The following ESRRG variants were observed in gnomAD, a reference collection of about 807,000 sequenced individuals.
The protein encoded by ESRRG is estrogen related receptor gamma, also known as estrogen-related receptor gamma.
A neutral mutation model predicts 44.0 loss-of-function variants in ESRRG; 13 were observed. The observed-to-expected ratio is 0.30, with a 90% CI of 0.19 to 0.47. The LOEUF (loss-of-function observed/expected upper bound fraction) is 0.47, where lower values mean the gene tolerates loss of function less well. Ranked by LOEUF, ESRRG falls within the 20% of genes least tolerant of loss-of-function variation. The pLI is 1.00. For synonymous variants in ESRRG, 215 were observed against 214.6 expected (o/e 1.00, Z -0.02); for missense variants, 395 against 580.6 (o/e 0.68, Z 3.29).
chr1:216,987,245 A>G (rs1056180052), intron 1 of ESRRG, among the ~76,000 whole-genome samples: 2 of 152,224 alleles, frequency 1.3e-5, no homozygotes, highest in Non-Finnish European at 2.9e-5. Context: ...TTAGTTTGAT[A>G]TCCTTTCTCT....
intron 2 of ESRRG, among the ~76,000 whole-genome samples, chr1:216,856,326 A>G (rs1464684727): frequency 1.3e-5 from 2 of 149,308 alleles, no homozygotes; most frequent in Non-Finnish European, 3.0e-5. Flanking sequence ...TGCTTAATCA[A>G]TATGTCTGTC....
intron 1 of ESRRG, among the ~76,000 whole-genome samples, chr1:216,722,463 A>G (rs2086558328): frequency 6.9e-6 from 1 of 144,200 alleles, no homozygotes; most frequent in African/African-American, 2.6e-5. Context: ...AAAGATATCC[A>G]TAAATACTAA....
chr1:217,027,269 A>T (rs556141514), intron 1 of ESRRG, among the ~76,000 whole-genome samples: 1 of 152,180 alleles, frequency 6.6e-6, no homozygotes, highest in Admixed American at 6.5e-5. Context: ...CTGAACCCAC[A>T]TTATAAATAG....
chr1:217,036,861 C>T (rs1404716593), intron 1 of ESRRG, among the ~76,000 whole-genome samples: 2 of 151,188 alleles, frequency 1.3e-5, no homozygotes, highest in African/African-American at 2.4e-5. Flanking sequence ...AGAGTATAGG[C>T]GATGGAAACC....
chr1:216,916,834 C>CTTTTTTTTTTTTT lies in ESRRG; in HGVS notation c.-14+22735_-14+22747dup, dbSNP rs749847047. Among the ~76,000 whole-genome samples the CTTTTTTTTTTTTT allele has an allele frequency of 2.7e-4, 17 of 62,480 alleles. 4 individuals are homozygous for CTTTTTTTTTTTTT. Among genetic ancestry groups the CTTTTTTTTTTTTT allele is most frequent in the Non-Finnish European group, 4.2e-4 (15 of 35,818 alleles). The allele number at this position is 62,480 out of a possible 152,430, so 41.0% of individuals were successfully genotyped here. On this transcript the variant is annotated intron_variant, in intron 2 of 7. Coordinates refer to the ESRRG transcript ENST00000359162. ...GGTTCAAATTCCACTCAGCTTTGGT[C>CTTTTTTTTTTTTT]TTTTTTTTTTTTTTTTTTTTTTTTT... is the stretch of plus-strand genomic sequence containing the variant.
intron 5 of ESRRG, among the ~76,000 whole-genome samples, chr1:216,524,542 A>G (rs2047081978): frequency 6.6e-6 from 1 of 152,054 alleles, no homozygotes; most frequent in Admixed American, 6.6e-5. Context: ...TCCAGATTTC[A>G]ATAATTTAGA....
intron 1 of ESRRG, among the ~76,000 whole-genome samples, chr1:216,710,849 A>G (rs774571845): frequency 6.6e-5 from 10 of 152,094 alleles, no homozygotes; most frequent in Non-Finnish European, 1.5e-4. Flanking sequence ...TCTTAGTACC[A>G]GCGATAAATC....
chr1:216,812,637 G>A (rs939194261), intron 2 of ESRRG, among the ~76,000 whole-genome samples: 1 of 152,070 alleles, frequency 6.6e-6, no homozygotes, highest in Non-Finnish European at 1.5e-5. Flanking sequence ...AATAAATTTG[G>A]TAACTCTGGC....
chr1:216,609,762 T>C (rs563319641), intron 3 of ESRRG, among the ~76,000 whole-genome samples: 1 of 152,218 alleles, frequency 6.6e-6, no homozygotes, highest in Non-Finnish European at 1.5e-5. Context: ...AGCAAAATTA[T>C]TGACGCATTA....
intron 1 of ESRRG, among the ~76,000 whole-genome samples, chr1:216,945,427 T>A (rs1261533718): frequency 6.6e-6 from 1 of 152,164 alleles, no homozygotes; most frequent in Non-Finnish European, 1.5e-5. Context: ...TTAGGCAGAA[T>A]TTATTAGTGT....
At chr1:216,723,149 G>A in intron 1 of ESRRG, 95 bp downstream of exon 1, 1 of 1,032,500 alleles carries the variant, frequency 9.7e-7, no homozygotes, top group South Asian at 1.3e-5. Context: ...AATACCCAGG[G>A]CATTACCTGA....
upstream of ESRRG, among the ~76,000 whole-genome samples, chr1:216,726,341 C>A (rs890687375): frequency 2.0e-5 from 3 of 152,140 alleles, no homozygotes; most frequent in African/African-American, 7.2e-5. Flanking sequence ...TTTAAAAATC[C>A]TCTTCACTAA....
At chr1:216,838,604 C>T (rs546177214) in intron 2 of ESRRG, among the ~76,000 whole-genome samples, 1 of 151,932 alleles carries the variant, frequency 6.6e-6, no homozygotes, top group African/African-American at 2.4e-5. Flanking sequence ...GTAAATTTAC[C>T]TTAAATAACA....
At chr1:216,640,488 GGAGA>G (rs72397494) in intron 3 of ESRRG, among the ~76,000 whole-genome samples, 83,507 of 146,666 alleles carry the variant, frequency 0.57, 23,967 homozygotes, top group African/African-American at 0.62. Context: ...ACTAAGTGAG[GGAGA>G]GAGAGAGAGA....
chr1:217,036,267 C>A (rs1228579971), intron 1 of ESRRG, among the ~76,000 whole-genome samples: 1 of 152,030 alleles, frequency 6.6e-6, no homozygotes, highest in Non-Finnish European at 1.5e-5. Flanking sequence ...TTCTCAAAGT[C>A]CTAAAGACAA....
At chr1:217,069,633 T>C (rs2090299296) in intron 1 of ESRRG, among the ~76,000 whole-genome samples, 1 of 152,068 alleles carries the variant, frequency 6.6e-6, no homozygotes, top group Admixed American at 6.5e-5. Flanking sequence ...CTCCTCTTTT[T>C]CTGGTCCCCT....
chr1:216,804,467 CTT>C (rs200225228), intron 2 of ESRRG, among the ~76,000 whole-genome samples: 15 of 123,146 alleles, frequency 1.2e-4, no homozygotes, highest in East Asian at 4.2e-4. Flanking sequence ...AATCTTGGTA[CTT>C]TTTAAAATTT....
At chr1:216,521,421 A>G (rs886768854) in intron 5 of ESRRG, among the ~76,000 whole-genome samples, 4 of 151,922 alleles carry the variant, frequency 2.6e-5, no homozygotes, top group African/African-American at 9.7e-5. Context: ...AAAACATACT[A>G]AGTAAGAATT....
chr1:216,587,836 A>G (rs2056935299), intron 3 of ESRRG, among the ~76,000 whole-genome samples: 1 of 152,180 alleles, frequency 6.6e-6, no homozygotes, highest in African/African-American at 2.4e-5. Flanking sequence ...AACATAAGAC[A>G]TGAAACTTAG....
Sources: allele counts gnomAD v4.1 joint callset (sites outside exome capture counted in the v4.1 genomes callset), GRCh38; gene constraint gnomAD v4.1.1; transcripts MANE v1.5; gene names NCBI Gene and HGNC (gene_info 2026-07-23, HGNC 2026-07-21).